The following SEC24B variants were observed in gnomAD, a reference collection of about 807,000 sequenced individuals.
SEC24B encodes the protein protein transport protein Sec24B.
Under a neutral mutation model 142.8 loss-of-function variants are expected in SEC24B, and 45 were observed. The ratio of observed to expected loss-of-function variants is 0.32; its 90% confidence interval spans 0.25 to 0.40. The LOEUF (loss-of-function observed/expected upper bound fraction) is 0.40. Among genes scored for constraint, SEC24B ranks in the 10% least tolerant of loss-of-function variants. The pLI, the probability that SEC24B is intolerant of heterozygous loss-of-function variation, is 1.00. For missense variants in SEC24B, 1,409 were observed against 1,526.8 expected (o/e 0.92, Z 1.29); for synonymous variants, 574 against 568.2 (o/e 1.01, Z -0.15).
chr4:109,534,411 C>A (rs1271880660), intron 22 of SEC24B, among the ~76,000 whole-genome samples: 5 of 151,764 alleles, frequency 3.3e-5, no homozygotes, highest in Non-Finnish European at 5.9e-5. Context: ...ACGGTGAAAC[C>A]CCATCTCTAC....
intron 14 of SEC24B, among the ~76,000 whole-genome samples, chr4:109,523,392 C>A (rs1245206067): frequency 6.6e-6 from 1 of 151,952 alleles, no homozygotes; most frequent in Admixed American, 6.6e-5. Context: ...ATCACTTGAA[C>A]CAGGGAGGCA....
chr4:109,449,924 A>G (rs934648383), intron 1 of SEC24B, among the ~76,000 whole-genome samples: 2 of 152,176 alleles, frequency 1.3e-5, no homozygotes, highest in African/African-American at 2.4e-5. Flanking sequence ...TACTTTGAAA[A>G]GAAAGAGAAG....
At chr4:109,463,884 G>A (rs950376977) in intron 2 of SEC24B, among the ~76,000 whole-genome samples, 1 of 152,208 alleles carries the variant, frequency 6.6e-6, no homozygotes, top group Middle Eastern at 3.4e-3. Context: ...AACATTTATT[G>A]ATATATTTTA....
At chr4:109,531,560 A>C in intron 20 of SEC24B, 38 bp downstream of exon 20, 1 of 1,499,346 alleles carries the variant, frequency 6.7e-7, no homozygotes, top group Non-Finnish European at 9.3e-7. Context: ...TTAAATTTGA[A>C]TATATTTGAG....
chr4:109,452,906 G>A (rs894409327), intron 1 of SEC24B, among the ~76,000 whole-genome samples: 8 of 151,928 alleles, frequency 5.3e-5, no homozygotes, highest in Non-Finnish European at 8.8e-5. Context: ...GACAGATATC[G>A]GGGGAACCCG....
At chr4:109,526,448 C>T in intron 17 of SEC24B, 49 bp downstream of exon 17, 2 of 1,413,580 alleles carry the variant, frequency 1.4e-6, no homozygotes, top group African/African-American at 1.4e-5. Context: ...ATTCCTCCCT[C>T]CTTTCACATG....
chr4:109,442,014 G>A (rs561355881), intron 1 of SEC24B, among the ~76,000 whole-genome samples: 11 of 152,304 alleles, frequency 7.2e-5, no homozygotes, highest in Non-Finnish European at 1.5e-4. Flanking sequence ...ATATCCAGAT[G>A]TAATCTGAGA....
intron 1 of SEC24B, among the ~76,000 whole-genome samples, chr4:109,460,596 C>G (rs770989844): frequency 6.6e-5 from 10 of 152,034 alleles, no homozygotes; most frequent in Non-Finnish European, 1.5e-4. Context: ...TTGCCTGATT[C>G]AAATTCCGGC....
rs1460892853 is a variant in SEC24B, at chr4:109,433,861, A to T, written c.-9A>T. 4.5e-6 allele frequency: 6 copies of T among 1,322,416 alleles called. No individual in the cohort carries two copies. Among genetic ancestry groups the T allele is most frequent in the Non-Finnish European group, 5.8e-6 (6 of 1,033,352 alleles). The allele number at this position is 1,322,416 out of a possible 1,614,324, so 81.9% of individuals were successfully genotyped here. A position where few individuals can be genotyped will look rare whatever the true frequency, so the allele number is the denominator to read the frequency against. ...CTGAAGCGGAGCCGCCGTCGCCACC[A>T]GCGCCGTCATGTCGGCCCCCGCCGG... On this transcript the variant is annotated 5_prime_UTR_variant, in exon 1 of 24. Transcript: ENST00000265175.
intron 10 of SEC24B, among the ~76,000 whole-genome samples, chr4:109,515,860 T>G (rs1270216773): frequency 6.6e-6 from 1 of 150,910 alleles, no homozygotes; most frequent in Non-Finnish European, 1.5e-5. Context: ...GCCAACATAG[T>G]GAACCCCCCC....
At chr4:109,491,279 G>T (rs1447725176) in intron 4 of SEC24B, 48 bp from the exon 5 acceptor site, 65 of 1,447,516 alleles carry the variant, frequency 4.5e-5, no homozygotes, top group Non-Finnish European at 6.2e-5. Flanking sequence ...GCTGCTTTAA[G>T]ATACTTTGTC....
chr4:109,509,918 T>G, intron 7 of SEC24B, 91 bp from the exon 8 acceptor site: 1 of 712,104 alleles, frequency 1.4e-6, no homozygotes, highest in Non-Finnish European at 2.3e-6. Flanking sequence ...GATTTTCACT[T>G]ATGTCCTTAA....
At position 109,433,976 on chromosome 4, in the gene SEC24B, C is replaced by T. The variant is rs1325709170; in HGVS notation, c.107C>T (p.Ala36Val). The change falls in exon 1 of 24, where the codon GCG becomes GTG. Residue 36 changes from alanine (A) to valine (V), a missense_variant. By Grantham distance (64) the Ala-to-Val change is moderately conservative (BLOSUM62 0). Coordinates refer to ENST00000265175, the MANE Select transcript of SEC24B (RefSeq NM_006323.5). ...SGAAAPAGPG[A>V]GPAPHQQNGP... is the part of the protein sequence containing the mutation. ...GCCGCAGCGCCCGCGGGCCCGGGTG[C>T]GGGCCCGGCGCCGCACCAGCAGAAC... 5.0e-6 allele frequency: 6 copies of T among 1,210,674 alleles called. No homozygotes were observed. Among genetic ancestry groups the T allele is most frequent in the South Asian group, 7.0e-5 (2 of 28,408 alleles). The allele number at this position is 1,210,674 out of a possible 1,614,324, so 75.0% of individuals were successfully genotyped here. A position where few individuals can be genotyped will look rare whatever the true frequency, so the allele number is the denominator to read the frequency against.
intron 1 of SEC24B, among the ~76,000 whole-genome samples, chr4:109,447,366 T>A (rs895646636): frequency 6.6e-6 from 1 of 152,158 alleles, no homozygotes; most frequent in African/African-American, 2.4e-5. Context: ...AGGTATCACA[T>A]ACTCACTTGA....
intron 9 of SEC24B, among the ~76,000 whole-genome samples, chr4:109,512,504 T>C (rs1367604115): frequency 6.6e-6 from 1 of 152,202 alleles, no homozygotes; most frequent in Non-Finnish European, 1.5e-5. Flanking sequence ...CTACTAGAGT[T>C]GCTTTCAAAT....
intron 17 of SEC24B, 46 bp from the exon 18 acceptor site, chr4:109,527,276 T>A: frequency 7.8e-7 from 1 of 1,280,504 alleles, no homozygotes; most frequent in Non-Finnish European, 1.1e-6. Context: ...TTGCTTTGCT[T>A]TATTTCCTTT....
At chr4:109,537,667 A>G (rs1725707429) in intron 22 of SEC24B, among the ~76,000 whole-genome samples, 1 of 152,214 alleles carries the variant, frequency 6.6e-6, no homozygotes, top group Non-Finnish European at 1.5e-5. Context: ...AAAGAAAAAA[A>G]GAAGAAGAAT....
chr4:109,496,741 T>C (rs72672683), intron 6 of SEC24B, among the ~76,000 whole-genome samples: 1 of 152,288 alleles, frequency 6.6e-6, no homozygotes, highest in Non-Finnish European at 1.5e-5. Context: ...CTGAGAGACA[T>C]CAGAGGAATA....
intron 1 of SEC24B, among the ~76,000 whole-genome samples, chr4:109,435,779 G>A (rs1285085872): frequency 6.6e-6 from 1 of 152,170 alleles, no homozygotes; most frequent in African/African-American, 2.4e-5. Flanking sequence ...GGGACTCAAG[G>A]TTAGGGTAGC....
Sources: gnomAD v4.1 joint callset for allele counts (sites outside exome capture counted in the v4.1 genomes callset) on GRCh38, gnomAD v4.1.1 for gene constraint, MANE v1.5 for transcripts, NCBI Gene and HGNC (gene_info 2026-07-23, HGNC 2026-07-21) for gene names.